The following PPM1E variants were observed in gnomAD, a reference collection of about 807,000 sequenced individuals.
PPM1E encodes protein phosphatase, Mg2+/Mn2+ dependent 1E.
In PPM1E, 20 loss-of-function variants were observed where a neutral mutation model predicts 65.9. That is an observed-to-expected ratio of 0.30 (90% CI 0.21 to 0.44). PPM1E has a LOEUF of 0.44. Ranked by LOEUF, PPM1E falls within the 20% of genes least tolerant of loss-of-function variation. The pLI is 1.00. For synonymous variants in PPM1E, 352 were observed against 374.9 expected, an observed-to-expected ratio of 0.94 and a Z score of 0.70; for missense variants, 713 against 953.1, an observed-to-expected ratio of 0.75 and a Z score of 3.32.
rs1567905530 is a variant in PPM1E at position 58,984,539 on chromosome 17, C to T, written c.*3508C>T. ...AGGGAATACTACAGTTTTGTCCACA[C>T]TTTAATTTGAGACCATTTTTCTTTG... On this transcript the variant is annotated 3_prime_UTR_variant, in exon 7 of 7. Coordinates refer to ENST00000308249, the MANE Select transcript of PPM1E (RefSeq NM_014906.5). 6.6e-6 allele frequency: 1 copy of T among 152,522 alleles called. No homozygotes were observed. The highest frequency in any genetic ancestry group is 2.4e-5 in the African/African-American group (1 of 41,466). The allele number at this position is 152,522 out of a possible 1,614,324, so 9.4% of individuals were successfully genotyped here. A position where few individuals can be genotyped will look rare whatever the true frequency, so the allele number is the denominator to read the frequency against.
At chr17:58,852,222 G>A (rs561532444) in intron 1 of PPM1E, among the ~76,000 whole-genome samples, 15 of 152,206 alleles carry the variant, frequency 9.9e-5, no homozygotes, top group South Asian at 4.1e-4. Flanking sequence ...GACCCCTTGC[G>A]CTTCCCGGGT....
chr17:58,825,621 A>G (rs996713879), intron 1 of PPM1E, among the ~76,000 whole-genome samples: 6 of 151,726 alleles, frequency 4.0e-5, no homozygotes, highest in African/African-American at 1.2e-4. Context: ...CTGTGGTGCA[A>G]TCTTGGCTCA....
chr17:58,888,362 C>CTTTTTTTTTTTT (rs71367642), intron 1 of PPM1E, among the ~76,000 whole-genome samples: 1 of 104,490 alleles, frequency 9.6e-6, no homozygotes, highest in African/African-American at 3.8e-5. Flanking sequence ...ACTCTTCTCT[C>CTTTTTTTTTTTT]TTTTTTTTTT....
chr17:58,941,683 C>T (rs542430036), intron 1 of PPM1E, among the ~76,000 whole-genome samples: 1 of 109,392 alleles, frequency 9.1e-6, no homozygotes, highest in Non-Finnish European at 1.8e-5. Context: ...CAGAGCAAGA[C>T]TCCATCTCAA....
chr17:58,758,944 C>T (rs916870803), intron 1 of PPM1E, among the ~76,000 whole-genome samples: 4 of 152,018 alleles, frequency 2.6e-5, no homozygotes, highest in Non-Finnish European at 5.9e-5. Flanking sequence ...GTGGTGCATG[C>T]CTGTAATCCC....
chr17:58,839,151 T>C (rs943001689), intron 1 of PPM1E, among the ~76,000 whole-genome samples: 6 of 152,056 alleles, frequency 3.9e-5, no homozygotes, highest in Admixed American at 3.9e-4. Context: ...CACAAAAAGT[T>C]AACCTCAGTG....
chr17:58,944,197 A>G (rs2052112438), intron 1 of PPM1E, among the ~76,000 whole-genome samples: 1 of 150,666 alleles, frequency 6.6e-6, no homozygotes, highest in Non-Finnish European at 1.5e-5. Context: ...TTTCACTTCC[A>G]CTATTCAGTA....
At chr17:58,950,414 G>A (rs531468920) in intron 1 of PPM1E, among the ~76,000 whole-genome samples, 11 of 152,304 alleles carry the variant, frequency 7.2e-5, no homozygotes, top group African/African-American at 2.2e-4. Flanking sequence ...ACTTGTTTGG[G>A]TTGAATCTAT....
At chr17:58,975,089 T>C (rs540598394) in intron 6 of PPM1E, among the ~76,000 whole-genome samples, 2 of 152,326 alleles carry the variant, frequency 1.3e-5, no homozygotes, top group African/African-American at 4.8e-5. Flanking sequence ...ACCCATCAAA[T>C]GCTACCCTTG....
At chr17:58,900,487 ATTAAG>A (rs922835327) in intron 1 of PPM1E, among the ~76,000 whole-genome samples, 7 of 152,364 alleles carry the variant, frequency 4.6e-5, no homozygotes, top group Admixed American at 1.3e-4. Flanking sequence ...GTATTTTTAA[ATTAAG>A]TTATGTACAT....
At chr17:58,861,142 C>CCA (rs2050934858) in intron 1 of PPM1E, among the ~76,000 whole-genome samples, 1 of 152,138 alleles carries the variant, frequency 6.6e-6, no homozygotes, top group Non-Finnish European at 1.5e-5. Context: ...AAAGGCAATA[C>CCA]CCACCATGGT....
rs991561200 is a variant in PPM1E at position 58,905,129 on chromosome 17, A to G, written c.465-50520A>G. Among the ~76,000 whole-genome samples the G allele has an allele frequency of 2.6e-5, 4 of 152,192 alleles. 1 individual carries two copies. The highest frequency in any genetic ancestry group is 4.4e-5 in the Non-Finnish European group (3 of 68,030). On this transcript the variant is annotated intron_variant, in intron 1 of 6. Coordinates refer to ENST00000308249, the MANE Select transcript of PPM1E (RefSeq NM_014906.5). ...GTTTTTTGACTCTTTCAGATTTTCT[A>G]CATAGTTATGTTAGTTTTCTACATG...
chr17:58,934,087 C>CGAAAA (rs2051942576), intron 1 of PPM1E, among the ~76,000 whole-genome samples: 1 of 80,158 alleles, frequency 1.2e-5, no homozygotes. Context: ...GACTTCGTAT[C>CGAAAA]AAAAAAAAAA....
intron 1 of PPM1E, among the ~76,000 whole-genome samples, chr17:58,921,915 C>T (rs969670993): frequency 2.0e-5 from 3 of 151,658 alleles, no homozygotes; most frequent in Non-Finnish European, 4.4e-5. Flanking sequence ...TGGCACGCAC[C>T]TGTAATCCCA....
intron 1 of PPM1E, among the ~76,000 whole-genome samples, chr17:58,918,184 T>C (rs1463278245): frequency 6.6e-6 from 1 of 152,232 alleles, no homozygotes; most frequent in Non-Finnish European, 1.5e-5. Context: ...TGGTAGACAC[T>C]GGATTGGTTT....
intron 1 of PPM1E, among the ~76,000 whole-genome samples, chr17:58,770,920 A>G (rs983478243): frequency 1.3e-5 from 2 of 151,334 alleles, no homozygotes; most frequent in South Asian, 4.2e-4. Flanking sequence ...GCAGTGGCAC[A>G]ATCTCGGCAC....
chr17:58,863,231 G>A (rs1030660178), intron 1 of PPM1E, among the ~76,000 whole-genome samples: 3 of 152,216 alleles, frequency 2.0e-5, no homozygotes, highest in Non-Finnish European at 4.4e-5. Flanking sequence ...TTGGGAGGCC[G>A]AGGCAGTGAA....
At chr17:58,792,669 T>A (rs1171449624) in intron 1 of PPM1E, among the ~76,000 whole-genome samples, 1 of 151,594 alleles carries the variant, frequency 6.6e-6, no homozygotes, top group Non-Finnish European at 1.5e-5. Flanking sequence ...TTATATAATT[T>A]TTCAACTCTT....
chr17:58,933,742 G>A (rs927599022), intron 1 of PPM1E, among the ~76,000 whole-genome samples: 2 of 150,438 alleles, frequency 1.3e-5, no homozygotes, highest in Non-Finnish European at 2.9e-5. Flanking sequence ...GTTTCAGTGA[G>A]CCGAGATCGC....
Sources: allele counts gnomAD v4.1 joint callset (sites outside exome capture counted in the v4.1 genomes callset), GRCh38; gene constraint gnomAD v4.1.1; transcripts MANE v1.5; gene names NCBI Gene and HGNC (gene_info 2026-07-23, HGNC 2026-07-21).